Variants in ENKUR observed in about 807,000 individuals in gnomAD.
ENKUR encodes the protein enkurin, TRPC channel interacting protein, also known as enkurin.
ENKUR carries 19 observed loss-of-function variants against 27.6 expected under a neutral mutation model. The observed-to-expected ratio is 0.69, with a 90% CI of 0.48 to 1.01. The LOEUF (loss-of-function observed/expected upper bound fraction) is 1.01. ENKUR is among the 50% of genes least tolerant of loss of function. The pLI is 0.00. For missense variants in ENKUR, 312 were observed against 310.5 expected (o/e 1.00, Z -0.04); for synonymous variants, 117 against 96.9 (o/e 1.21, Z -1.22).
At chr10:25,013,058 A>C (rs2132724334) in intron 1 of ENKUR, among the ~76,000 whole-genome samples, 1 of 152,218 alleles carries the variant, frequency 6.6e-6, no homozygotes, top group South Asian at 2.1e-4. Context: ...TGGTTTTATA[A>C]AGGGGAGTTC....
chr10:25,022,259 T>G (rs774015110), intron 2 of ENKUR, among the ~76,000 whole-genome samples: 6 of 152,154 alleles, frequency 3.9e-5, no homozygotes, highest in South Asian at 2.1e-4. Flanking sequence ...TTATAGAGCT[T>G]CTTTGGATGC....
chr10:25,058,496 T>C (rs755147958), intron 2 of ENKUR, among the ~76,000 whole-genome samples: 5 of 152,178 alleles, frequency 3.3e-5, no homozygotes, highest in African/African-American at 4.8e-5. Context: ...GCATGAGTCG[T>C]TGGGACCAGA....
At chr10:25,037,160 A>C (rs1564354729) in intron 2 of ENKUR, among the ~76,000 whole-genome samples, 1 of 152,180 alleles carries the variant, frequency 6.6e-6, no homozygotes, top group African/African-American at 2.4e-5. Flanking sequence ...ATGAGTGTAC[A>C]CTTTTCTGAA....
At chr10:25,020,460 C>T (rs115873894), upstream of ENKUR, among the ~76,000 whole-genome samples, 418 of 152,010 alleles carry the variant, frequency 2.7e-3, 4 homozygotes, top group African/African-American at 9.7e-3. Flanking sequence ...CAATATAAAG[C>T]GGAAGAAAAG....
chr10:25,045,422 T>C (rs964814421), intron 2 of ENKUR, among the ~76,000 whole-genome samples: 1 of 152,176 alleles, frequency 6.6e-6, no homozygotes, highest in Non-Finnish European at 1.5e-5. Flanking sequence ...ATACAAGCTG[T>C]AGTAGTGAGA....
At chr10:25,033,933 A>G (rs1349546168) in intron 2 of ENKUR, among the ~76,000 whole-genome samples, 1 of 152,024 alleles carries the variant, frequency 6.6e-6, no homozygotes, top group Non-Finnish European at 1.5e-5. Context: ...CTCTATATAT[A>G]TGTATTAAAA....
upstream of ENKUR, among the ~76,000 whole-genome samples, chr10:25,017,610 G>GT (rs924960861): frequency 4.1e-5 from 6 of 145,210 alleles, no homozygotes; most frequent in African/African-American, 1.5e-4. Flanking sequence ...ATAAGAATAC[G>GT]TTAAGTTTTT....
chr10:25,053,438 C>T (rs1588686109), intron 2 of ENKUR, among the ~76,000 whole-genome samples: 2 of 152,162 alleles, frequency 1.3e-5, no homozygotes, highest in East Asian at 3.9e-4. Flanking sequence ...CTAATATCTC[C>T]CCATTTCCCC....
chr10:25,020,274 C>CTATATCTATATCTATATT (rs553626076), upstream of ENKUR, among the ~76,000 whole-genome samples: 2 of 97,368 alleles, frequency 2.1e-5, no homozygotes, highest in African/African-American at 5.7e-5. Flanking sequence ...ATATCTATAT[C>CTATATCTATATCTATATT]TATATATATC....
chr10:24,995,783 T>G lies in ENKUR; in HGVS notation c.310A>C (p.Asn104His). ...TCAGCTGCATTTGTATTTATAAAATTTTTTCCACTCTGTATTCCCATGACA... is the reference window on the plus strand; with the variant it reads ...TCAGCTGCATTTGTATTTATAAAATGTTTTCCACTCTGTATTCCCATGACA... Reference protein sequence around the residue: ...HPVMGIQSGKNFINTNAADII... With the variant: ...HPVMGIQSGKHFINTNAADII... The change falls in exon 3 of 6, where the codon AAT becomes CAT. Residue 104 changes from asparagine (N) to histidine (H), a missense_variant. Coordinates refer to ENST00000331161, the MANE Select transcript of ENKUR (RefSeq NM_145010.4). 1 of 1,614,038 alleles carries G rather than the reference T, an allele frequency of 6.2e-7. No individual in the cohort carries two copies. Among genetic ancestry groups the G allele is most frequent in the Non-Finnish European group, 8.5e-7 (1 of 1,179,998 alleles).
At chr10:25,041,757 T>C (rs372058281) in intron 2 of ENKUR, among the ~76,000 whole-genome samples, 163 of 152,366 alleles carry the variant, frequency 1.1e-3, no homozygotes, top group African/African-American at 3.8e-3. Context: ...CATTTGGTTC[T>C]TTTCATTGTT....
chr10:25,029,436 TTTAG>T (rs1404353370), intron 2 of ENKUR, among the ~76,000 whole-genome samples: 4 of 152,138 alleles, frequency 2.6e-5, no homozygotes, highest in Non-Finnish European at 4.4e-5. Flanking sequence ...TGTATGAAGT[TTTAG>T]TTAGATTTTA....
At chr10:24,988,664 GTATATATATATATA>G (rs66687937) in intron 4 of ENKUR, among the ~76,000 whole-genome samples, 154 of 98,730 alleles carry the variant, frequency 1.6e-3, no homozygotes, top group Non-Finnish European at 2.0e-3. Context: ...CACAGCATAT[GTATATATATATATA>G]TATATATATA....
At chr10:25,048,130 A>G (rs1399610479) in intron 2 of ENKUR, among the ~76,000 whole-genome samples, 1 of 152,108 alleles carries the variant, frequency 6.6e-6, no homozygotes, top group African/African-American at 2.4e-5. Flanking sequence ...AAAAATTTGG[A>G]AAATCCCAAG....
At chr10:25,008,517 C>A (rs1850366114) in intron 1 of ENKUR, among the ~76,000 whole-genome samples, 1 of 152,126 alleles carries the variant, frequency 6.6e-6, no homozygotes, top group South Asian at 2.1e-4. Context: ...AGTATTGACA[C>A]TGAATAAAGC....
chr10:25,051,576 A>T (rs1370662127), intron 2 of ENKUR, among the ~76,000 whole-genome samples: 2 of 152,156 alleles, frequency 1.3e-5, no homozygotes, highest in African/African-American at 4.8e-5. Context: ...GCACTTTTAA[A>T]CTACCAGATC....
chr10:25,027,227 G>T (rs1478806543), intron 2 of ENKUR, among the ~76,000 whole-genome samples: 1 of 151,336 alleles, frequency 6.6e-6, no homozygotes, highest in African/African-American at 2.4e-5. Flanking sequence ...GTGGTGGCAG[G>T]CACCTGTAGT....
Position 25,025,587 on chromosome 10 carries a change from G to C in ENKUR, c.38-29718C>G, listed in dbSNP as rs910780774. On this transcript the variant is annotated intron_variant, in intron 2 of 5. Coordinates refer to the ENKUR transcript ENST00000615958. The stretch of plus-strand genomic sequence containing the variant: ...TATCTGTTTGGAATTTCAAAAGTCT[G>C]ATCTCTAGGGCTGACATGAGAACTC... 3.5e-6 allele frequency: 3 copies of C among 868,316 alleles called. No homozygotes were observed. The African/African-American group carries it at 5.2e-5, about 15-fold the overall frequency. The allele number at this position is 868,316 out of a possible 1,614,324, so 53.8% of individuals were successfully genotyped here.
intron 3 of ENKUR, among the ~76,000 whole-genome samples, chr10:24,991,791 G>A (rs779713167): frequency 1.3e-5 from 2 of 152,230 alleles, no homozygotes; most frequent in Admixed American, 6.5e-5. Context: ...CTTGTCATAA[G>A]GCAGGGAGTC....
Sources: allele counts gnomAD v4.1 joint callset (sites outside exome capture counted in the v4.1 genomes callset), GRCh38; gene constraint gnomAD v4.1.1; transcripts MANE v1.5; gene names NCBI Gene and HGNC (gene_info 2026-07-23, HGNC 2026-07-21).